Variants in TSFM observed in about 807,000 individuals in gnomAD.
TSFM encodes elongation factor Ts, mitochondrial.
In TSFM, 29 loss-of-function variants were observed where a neutral mutation model predicts 33.4. The ratio of observed to expected loss-of-function variants is 0.87; its 90% CI spans 0.65 to 1.18. TSFM has a LOEUF of 1.18. Ranked by LOEUF, TSFM falls within the 50% of genes most tolerant of loss-of-function variation. The pLI is 0.00. For synonymous variants in TSFM, 178 were observed against 163.5 expected, an observed-to-expected ratio of 1.09 and a Z score of -0.68; for missense variants, 394 against 395.6, an observed-to-expected ratio of 1.00 and a Z score of 0.04.
chr12:57,797,853 G>A, downstream of TSFM: 1 of 1,503,028 alleles, frequency 6.7e-7, no homozygotes, highest in Non-Finnish European at 9.0e-7. Context: ...CTTTTCTGTG[G>A]CCTTGCAATA....
chr12:57,786,916 T>A (rs1478368785), intron 3 of TSFM, 124 bp from the exon 4 acceptor site: 2 of 1,068,874 alleles, frequency 1.9e-6, no homozygotes, highest in South Asian at 1.8e-5. Context: ...AATTTTGGAG[T>A]CATTTTTTTT....
intron 2 of TSFM, chr12:57,783,575 C>T (rs1389102020): frequency 1.6e-6 from 1 of 636,516 alleles, no homozygotes; most frequent in Admixed American, 2.1e-5. Flanking sequence ...TTGTGGGGCC[C>T]CCACACTGTC....
chr12:57,801,221 AAGAG>A (rs1955841639), downstream of TSFM: 1 of 1,611,834 alleles, frequency 6.2e-7, no homozygotes. Context: ...GCCTGAGAAG[AAGAG>A]AGAGAAAACA....
Position 57,789,000 on chromosome 12 carries a change from G to A in TSFM, c.483+1838G>A, listed in dbSNP as rs149085719. 7.5e-3 allele frequency among the ~76,000 whole-genome samples: 965 copies of A among 128,878 alleles called. 6 individuals carry two copies. Among genetic ancestry groups the A allele is most frequent in the Non-Finnish European group, 9.4e-3 (594 of 63,236 alleles). 84.5% of individuals were successfully genotyped at this position (128,878 alleles called of 152,430 possible). On this transcript the variant is annotated intron_variant, in intron 4 of 5. Transcript: ENST00000652027. ...TTTTTTTTTGAGATGGAGTCTCTCT[G>A]TCACCCAGGCTGGAGTGCAATGGTG...
At chr12:57,796,004 C>T (rs1375449418) in intron 5 of TSFM, among the ~76,000 whole-genome samples, 173 bp from the exon 6 acceptor site, 1 of 152,186 alleles carries the variant, frequency 6.6e-6, no homozygotes, top group East Asian at 1.9e-4. Context: ...CTGCCCCATA[C>T]CCCTTTTCCT....
chr12:57,784,389 C>T (rs1193140300), intron 2 of TSFM, among the ~76,000 whole-genome samples: 1 of 152,120 alleles, frequency 6.6e-6, no homozygotes. Context: ...AGCTACATTA[C>T]ATTTATAAGA....
downstream of TSFM, among the ~76,000 whole-genome samples, chr12:57,798,218 C>T (rs1221871153): frequency 6.6e-6 from 1 of 152,202 alleles, no homozygotes; most frequent in Non-Finnish European, 1.5e-5. Flanking sequence ...ACTGGATTCA[C>T]TGCTCTCACA....
chr12:57,795,022 G>A (rs1425870150), intron 5 of TSFM, among the ~76,000 whole-genome samples: 2 of 150,716 alleles, frequency 1.3e-5, no homozygotes, highest in African/African-American at 4.9e-5. Flanking sequence ...GCCTCCCAAA[G>A]TGCTGGGATT....
At chr12:57,783,857 C>T (rs1327409709) in intron 2 of TSFM, 1 of 665,730 alleles carries the variant, frequency 1.5e-6, no homozygotes, top group Admixed American at 2.1e-5. Flanking sequence ...CTCAGGTGAT[C>T]CGCCCGCCTC....
intron 4 of TSFM, among the ~76,000 whole-genome samples, chr12:57,788,051 AC>A (rs1955612907): frequency 6.6e-6 from 1 of 152,216 alleles, no homozygotes; most frequent in African/African-American, 2.4e-5. Flanking sequence ...GCAAAGATGA[AC>A]CAACCACTCA....
At chr12:57,798,610 C>A (rs1433681516), downstream of TSFM, among the ~76,000 whole-genome samples, 2 of 150,372 alleles carry the variant, frequency 1.3e-5, no homozygotes, top group Admixed American at 6.6e-5. Context: ...GAAATTTATT[C>A]TTTTCTTTTC....
downstream of TSFM, chr12:57,801,259 G>A (rs112850059): frequency 1.1e-5 from 16 of 1,510,132 alleles, no homozygotes; most frequent in Non-Finnish European, 1.4e-5. Flanking sequence ...TTCTTATAGG[G>A]GAGGGACATC....
chr12:57,791,976 C>A, intron 4 of TSFM: 1 of 339,562 alleles, frequency 2.9e-6, no homozygotes, highest in Non-Finnish European at 6.1e-6. Context: ...TGCAGTGGCT[C>A]ACGCCTGTAA....
At chr12:57,799,032 A>G (rs1001688445), downstream of TSFM, among the ~76,000 whole-genome samples, 22 of 152,348 alleles carry the variant, frequency 1.4e-4, no homozygotes, top group African/African-American at 4.1e-4. Flanking sequence ...ATGGTGAGCA[A>G]GACAAACAAA....
intron 1 of TSFM, 27 bp from the exon 2 acceptor site, chr12:57,783,083 T>C (rs1296321674): frequency 6.3e-7 from 1 of 1,592,700 alleles, no homozygotes; most frequent in Non-Finnish European, 8.5e-7. Flanking sequence ...TGCTTCCTGC[T>C]CCTCATCCCT....
At chr12:57,784,010 G>A (rs1442892354) in intron 2 of TSFM, 7 of 702,812 alleles carry the variant, frequency 1.0e-5, no homozygotes, top group Admixed American at 2.0e-5. Flanking sequence ...AAATGGCGTC[G>A]TTAGGAGATT....
chr12:57,801,086 G>A, downstream of TSFM: 2 of 1,436,528 alleles, frequency 1.4e-6, no homozygotes, highest in Non-Finnish European at 2.0e-6. Context: ...GCATTTGTGT[G>A]TTCTCTGGCT....
chr12:57,783,798 T>C, intron 2 of TSFM: 1 of 611,484 alleles, frequency 1.6e-6, no homozygotes, highest in Non-Finnish European at 2.9e-6. Context: ...GTATTTTTAG[T>C]AGAGATGGGG....
At chr12:57,800,796 CG>C (rs1156466205), downstream of TSFM, 1 of 165,976 alleles carries the variant, frequency 6.0e-6, no homozygotes, top group African/African-American at 2.4e-5. Flanking sequence ...TTAGTAGAGA[CG>C]GGGTTTCACC....
Sources: allele counts gnomAD v4.1 joint callset (sites outside exome capture counted in the v4.1 genomes callset), GRCh38; gene constraint gnomAD v4.1.1; transcripts MANE v1.5; gene names NCBI Gene and HGNC (gene_info 2026-07-23, HGNC 2026-07-21).